The following LANCL1 variants were observed in gnomAD, a reference collection of about 807,000 sequenced individuals.
LANCL1 encodes glutathione S-transferase LANCL1.
Under a neutral mutation model 50.6 loss-of-function variants are expected in LANCL1, and 50 were observed. The ratio of observed to expected loss-of-function variants is 0.99; its 90% CI spans 0.79 to 1.25. LANCL1 has a LOEUF of 1.25. Ranked by LOEUF, LANCL1 falls within the 50% of genes most tolerant of loss-of-function variation. The probability of loss-of-function intolerance (pLI) is 0.00; values close to 1 mark genes in which losing one functional copy is unlikely to be tolerated. For synonymous variants in LANCL1, 188 were observed against 178.6 expected, an observed-to-expected ratio of 1.05 and a Z score of -0.42; for missense variants, 532 against 480.7, an observed-to-expected ratio of 1.11 and a Z score of -1.00.
chr2:210,442,730 C>T (rs1693182697), intron 4 of LANCL1: 1 of 152,238 alleles, frequency 6.6e-6, no homozygotes, highest in South Asian at 2.1e-4. Flanking sequence ...CTCTGGTATT[C>T]CCCGGTCTGA....
At chr2:210,444,144 G>A (rs548556703) in intron 4 of LANCL1, among the ~76,000 whole-genome samples, 1 of 152,268 alleles carries the variant, frequency 6.6e-6, no homozygotes, top group South Asian at 2.1e-4. Context: ...GTAGAGCTGA[G>A]GGGGTTTACA....
intron 3 of LANCL1, among the ~76,000 whole-genome samples, chr2:210,470,828 C>G (rs62203670): frequency 0.45 from 67,601 of 151,482 alleles, 15,946 homozygotes; most frequent in East Asian, 0.6. Flanking sequence ...TACTGAATCA[C>G]AATCTCTGCT....
Position 210,436,229 on chromosome 2 carries a change from T to C in LANCL1, c.1037A>G (p.Tyr346Cys). Residue 346 changes from tyrosine to cysteine, a missense_variant, in exon 8 of 10, where the codon TAT becomes TGT. Tyr to Cys is a radical substitution (Grantham distance 194, BLOSUM62 -2). Coordinates refer to ENST00000450366, the MANE Select transcript of LANCL1 (RefSeq NM_006055.3). ...YNLTQDMKYL[Y>C]RACKFAEWCL... ...TCTGACTCCTACCTTACAGGCCCTA[T>C]ACAGGTACTTCATGTCCTGTGTGAG... 3.1e-6 allele frequency: 5 copies of C among 1,613,870 alleles called. No homozygotes were observed. Among genetic ancestry groups the C allele is most frequent in the Non-Finnish European group, 4.2e-6 (5 of 1,179,876 alleles).
In LANCL1 at chr2:210,455,600, TA is replaced by T. The variant is rs1282155213; in HGVS notation, c.200-287del. ...AATAAAGAGACACACAGCCTATTAT[TA>T]GTCTTTGTTGTACTCTGGTTATTGT... On this transcript the variant is annotated intron_variant, in intron 3 of 9. Transcript: ENST00000450366. Among the ~76,000 whole-genome samples, 16 of 152,272 alleles carry T rather than the reference TA, an allele frequency of 1.1e-4. No homozygotes were observed. In the East Asian group the frequency reaches 3.1e-3, roughly 29 times the overall value.
chr2:210,463,000 A>G (rs368734281), intron 3 of LANCL1, among the ~76,000 whole-genome samples: 96 of 152,318 alleles, frequency 6.3e-4, no homozygotes, highest in African/African-American at 2.3e-3. Context: ...AGTGTACAGA[A>G]TAAACTCATA....
Position 210,434,581 on chromosome 2 carries a change from G to A in LANCL1, c.1124-18C>T, listed in dbSNP as rs771366226. The A allele has an allele frequency of 3.1e-6, 5 of 1,599,676 alleles. No homozygotes were observed. In the African/African-American group the frequency reaches 5.4e-5, roughly 17 times the overall value. On this transcript the variant is annotated intron_variant, in intron 9 of 9. Coordinates refer to ENST00000450366, the MANE Select transcript of LANCL1 (RefSeq NM_006055.3). ...AGCCATTCCTGAAGAAAGAGAAAGA[G>A]GCAAAAGTTATTATACCAAATGACT... is the stretch of plus-strand genomic sequence containing the variant.
At chr2:210,447,234 A>C (rs888073370) in intron 4 of LANCL1, among the ~76,000 whole-genome samples, 2 of 152,222 alleles carry the variant, frequency 1.3e-5, no homozygotes, top group Admixed American at 6.5e-5. Context: ...AGAATTTTAT[A>C]TCCAGCCAAA....
chr2:210,455,645 A>G (rs1370117357), intron 3 of LANCL1, among the ~76,000 whole-genome samples: 1 of 152,182 alleles, frequency 6.6e-6, no homozygotes, highest in Non-Finnish European at 1.5e-5. Context: ...ATTCTTCTTG[A>G]TGTCGAAATG....
intron 2 of LANCL1, among the ~76,000 whole-genome samples, chr2:210,472,717 C>G (rs966833640): frequency 6.6e-6 from 1 of 152,216 alleles, no homozygotes; most frequent in African/African-American, 2.4e-5. Context: ...GCTGATCTTG[C>G]TCAACTCATA....
intron 4 of LANCL1, among the ~76,000 whole-genome samples, chr2:210,451,655 A>G (rs1050253447): frequency 1.3e-5 from 2 of 152,192 alleles, no homozygotes; most frequent in Non-Finnish European, 2.9e-5. Context: ...ACTAAGGTTT[A>G]GAGTAATTTA....
intron 4 of LANCL1, among the ~76,000 whole-genome samples, chr2:210,452,167 A>G (rs1459719330): frequency 6.6e-6 from 1 of 152,036 alleles, no homozygotes; most frequent in Non-Finnish European, 1.5e-5. Context: ...AAATGGTTAA[A>G]TTGCAAATTT....
At chr2:210,455,355 G>A (rs1178296164) in intron 3 of LANCL1, 41 bp from the exon 4 acceptor site, 3 of 1,526,568 alleles carry the variant, frequency 2.0e-6, no homozygotes, top group South Asian at 2.4e-5. Flanking sequence ...ATGAGGAAAG[G>A]CAGTTATTTT....
chr2:210,455,441 TG>T, intron 3 of LANCL1, 127 bp from the exon 4 acceptor site: 1 of 757,402 alleles, frequency 1.3e-6, no homozygotes. Flanking sequence ...TCTGGAAGTT[TG>T]GGTGACTTTA....
chr2:210,465,192 GATC>G (rs1206953953), intron 3 of LANCL1, among the ~76,000 whole-genome samples: 1 of 152,184 alleles, frequency 6.6e-6, no homozygotes, highest in Non-Finnish European at 1.5e-5. Flanking sequence ...CTCTGCTTGA[GATC>G]ATTATCTCTG....
chr2:210,457,719 T>C (rs182652819), intron 3 of LANCL1, among the ~76,000 whole-genome samples: 2 of 152,308 alleles, frequency 1.3e-5, no homozygotes, highest in Admixed American at 1.3e-4. Context: ...GTTTCAGCCA[T>C]TTTCTCTAGT....
Position 210,437,255 on chromosome 2 carries a change from G to A in LANCL1, c.873+435C>T, listed in dbSNP as rs945849119. On this transcript the variant is annotated intron_variant, in intron 7 of 9. Coordinates refer to ENST00000450366, the MANE Select transcript of LANCL1 (RefSeq NM_006055.3). ...TTCATCCATGTTGTAATATGTATCA[G>A]AAAGTCATTCTTTTAATAGCAGAAT... is the stretch of plus-strand genomic sequence containing the variant. Among the ~76,000 whole-genome samples the A allele has an allele frequency of 2.6e-5, 4 of 152,156 alleles. No individual in the cohort carries two copies. The East Asian group carries it at 5.8e-4, about 22-fold the overall frequency.
At chr2:210,471,905 T>C (rs935930921) in intron 3 of LANCL1, 54 bp downstream of exon 3, 28 of 1,245,512 alleles carry the variant, frequency 2.2e-5, no homozygotes, top group Non-Finnish European at 3.2e-5. Flanking sequence ...CTCGGAAAAA[T>C]GCTCTGGCTC....
chr2:210,436,626 T>C (rs1692944618), intron 7 of LANCL1, among the ~76,000 whole-genome samples: 1 of 152,148 alleles, frequency 6.6e-6, no homozygotes, highest in African/African-American at 2.4e-5. Flanking sequence ...TCTGCACATG[T>C]GTGTATGTTT....
intron 6 of LANCL1, among the ~76,000 whole-genome samples, chr2:210,439,860 G>A (rs904600623): frequency 3.9e-5 from 6 of 152,144 alleles, no homozygotes; most frequent in African/African-American, 1.4e-4. Flanking sequence ...GCCTTGGGAA[G>A]GTGACAGGGG....
Sources: allele counts gnomAD v4.1 joint callset (sites outside exome capture counted in the v4.1 genomes callset), GRCh38; gene constraint gnomAD v4.1.1; transcripts MANE v1.5; gene names NCBI Gene and HGNC (gene_info 2026-07-23, HGNC 2026-07-21).